Variants in ZDHHC14 observed in about 807,000 individuals in gnomAD.
ZDHHC14 encodes palmitoyltransferase ZDHHC14.
In ZDHHC14, 16 loss-of-function variants were observed where a neutral mutation model predicts 47.7. The observed-to-expected ratio is 0.34, with a 90% CI of 0.23 to 0.51. The LOEUF (loss-of-function observed/expected upper bound fraction) is 0.51. Ranked by LOEUF, ZDHHC14 falls within the 20% of genes least tolerant of loss-of-function variation. The probability of loss-of-function intolerance (pLI) is 0.97; values close to 1 mark genes in which losing one functional copy is unlikely to be tolerated. For missense variants in ZDHHC14, 515 were observed against 662.5 expected (o/e 0.78, Z 2.44); for synonymous variants, 293 against 278.9 (o/e 1.05, Z -0.50).
chr6:157,659,303 CA>C (rs1486976969), intron 8 of ZDHHC14, among the ~76,000 whole-genome samples: 2 of 152,234 alleles, frequency 1.3e-5, no homozygotes, highest in African/African-American at 4.8e-5. Flanking sequence ...CTGTGAAATG[CA>C]CATGCCAGCC....
intron 1 of ZDHHC14, among the ~76,000 whole-genome samples, chr6:157,397,434 C>G (rs1359900024): frequency 1.3e-5 from 2 of 152,194 alleles, no homozygotes; most frequent in Non-Finnish European, 2.9e-5. Context: ...ATTCTCTTTC[C>G]TTGCCTTTTT....
At chr6:157,542,798 C>G in intron 2 of ZDHHC14, 53 bp downstream of exon 2, 5 of 1,587,898 alleles carry the variant, frequency 3.1e-6, no homozygotes, top group Non-Finnish European at 4.3e-6. Context: ...CTGGGCCCAG[C>G]TACAGTGGGG....
intron 1 of ZDHHC14, among the ~76,000 whole-genome samples, chr6:157,443,471 C>A (rs1583648952): frequency 6.6e-6 from 1 of 152,166 alleles, no homozygotes; most frequent in East Asian, 1.9e-4. Context: ...TTGACCTCAA[C>A]CTCAGCATTC....
At chr6:157,617,719 G>A (rs9365170) in intron 3 of ZDHHC14, among the ~76,000 whole-genome samples, 70,978 of 151,966 alleles carry the variant, frequency 0.47, 18,517 homozygotes, top group East Asian at 0.86. Flanking sequence ...GGGTTCAAAA[G>A]ATCTTAAATA....
intron 3 of ZDHHC14, among the ~76,000 whole-genome samples, chr6:157,621,667 A>G (rs2114939483): frequency 6.6e-6 from 1 of 152,272 alleles, no homozygotes; most frequent in East Asian, 1.9e-4. Context: ...TCCACTCTTG[A>G]GGGCCTGTGT....
intron 2 of ZDHHC14, among the ~76,000 whole-genome samples, chr6:157,562,631 G>T (rs984848942): frequency 7.9e-5 from 12 of 152,208 alleles, no homozygotes; most frequent in Non-Finnish European, 2.9e-5. Flanking sequence ...CACCTGAGCA[G>T]CTCATTCGCA....
chr6:157,672,789 G>T lies in ZDHHC14; in HGVS notation c.1134G>T (p.Leu378=). 6.2e-7 allele frequency: 1 copy of T among 1,612,754 alleles called. No homozygotes were observed. The highest frequency in any genetic ancestry group is 2.2e-5 in the East Asian group (1 of 44,854). Residue 378 remains leucine (L), a synonymous_variant, in exon 9 of 9, where the codon CTG becomes CTT. Coordinates refer to ENST00000359775, the MANE Select transcript of ZDHHC14 (RefSeq NM_024630.3). ...FVLQAAATPL[L]QSEPSLTSDE... ...TGCAGGCTGCAGCCACGCCCCTGCT[G>T]CAGAGCGAGCCCAGCCTCACCAGCG... is the stretch of plus-strand genomic sequence containing the variant.
At chr6:157,598,717 T>C (rs148694873) in intron 3 of ZDHHC14, among the ~76,000 whole-genome samples, 6,336 of 152,350 alleles carry the variant, frequency 0.042, 184 homozygotes, top group Non-Finnish European at 0.063. Flanking sequence ...ACATCTGTTT[T>C]TCATGGCTCA....
chr6:157,497,328 G>A (rs1780092034), intron 1 of ZDHHC14, among the ~76,000 whole-genome samples: 1 of 152,172 alleles, frequency 6.6e-6, no homozygotes, highest in African/African-American at 2.4e-5. Flanking sequence ...GTTATAGATA[G>A]TTTGAAAGGT....
chr6:157,395,345 T>C (rs1381827119), intron 1 of ZDHHC14, among the ~76,000 whole-genome samples: 1 of 147,938 alleles, frequency 6.8e-6, no homozygotes, highest in African/African-American at 2.5e-5. Context: ...TTTTTTTTTT[T>C]AGTAGAGATG....
intron 8 of ZDHHC14, among the ~76,000 whole-genome samples, chr6:157,654,455 C>T (rs551949199): frequency 6.6e-6 from 1 of 152,270 alleles, no homozygotes; most frequent in East Asian, 1.9e-4. Flanking sequence ...GCTGTGTGCT[C>T]TTTCTATAGC....
chr6:157,648,640 A>C (rs1395118340), intron 7 of ZDHHC14, among the ~76,000 whole-genome samples: 1 of 152,144 alleles, frequency 6.6e-6, no homozygotes, highest in Admixed American at 6.5e-5. Flanking sequence ...GAGGCTTAGA[A>C]AGGGCAGGCG....
intron 1 of ZDHHC14, among the ~76,000 whole-genome samples, chr6:157,522,942 T>TTTCTTTCTTTCTTTCTTTCTTTCCTTCC (rs1487967366): frequency 4.1e-5 from 2 of 48,198 alleles, no homozygotes; most frequent in African/African-American, 2.8e-4. Context: ...TCTTTCTTTC[T>TTTCTTTCTTTCTTTCTTTCTTTCCTTCC]TTCCTTCCTT....
intron 1 of ZDHHC14, among the ~76,000 whole-genome samples, chr6:157,469,257 A>G (rs998115491): frequency 1.3e-5 from 2 of 152,092 alleles, no homozygotes; most frequent in African/African-American, 4.8e-5. Context: ...CCTCTCTTAT[A>G]TGGAGTTGAT....
intron 1 of ZDHHC14, among the ~76,000 whole-genome samples, chr6:157,534,755 G>C (rs111799958): frequency 0.018 from 2,793 of 151,458 alleles, 95 homozygotes; most frequent in African/African-American, 0.065. Flanking sequence ...CAGCCAGCTG[G>C]TTTTTGTATT....
chr6:157,418,891 G>T (rs1346949172), intron 1 of ZDHHC14, among the ~76,000 whole-genome samples: 1 of 152,198 alleles, frequency 6.6e-6, no homozygotes, highest in African/African-American at 2.4e-5. Context: ...TTACTAAGCT[G>T]GGTAGAAAGC....
chr6:157,615,787 T>TTTTTGTTTTGTTTTG (rs66704112), intron 3 of ZDHHC14, among the ~76,000 whole-genome samples: 3,420 of 151,442 alleles, frequency 0.023, 47 homozygotes, highest in Middle Eastern at 0.055. Context: ...GCTGACTGCA[T>TTTTTGTTTTGTTTTG]TTTTGTTTTG....
intron 1 of ZDHHC14, among the ~76,000 whole-genome samples, chr6:157,467,395 G>A: frequency 6.6e-6 from 1 of 151,974 alleles, no homozygotes; most frequent in Non-Finnish European, 1.5e-5. Flanking sequence ...TGTCTATTCT[G>A]GACGTTTCAG....
intron 5 of ZDHHC14, among the ~76,000 whole-genome samples, chr6:157,638,344 A>G (rs981300820): frequency 1.3e-5 from 2 of 152,142 alleles, no homozygotes; most frequent in African/African-American, 4.8e-5. Context: ...TGCCTGCACC[A>G]AACTCCATTT....
Sources: gnomAD v4.1 joint callset for allele counts (sites outside exome capture counted in the v4.1 genomes callset) on GRCh38, gnomAD v4.1.1 for gene constraint, MANE v1.5 for transcripts, NCBI Gene and HGNC (gene_info 2026-07-23, HGNC 2026-07-21) for gene names.